The following PPP2CA variants were observed in gnomAD, a reference collection of about 807,000 sequenced individuals.
PPP2CA encodes the protein serine/threonine-protein phosphatase 2A catalytic subunit alpha isoform.
In PPP2CA, 5 loss-of-function variants were observed where a neutral mutation model predicts 38.8. That is an observed-to-expected ratio of 0.13 (90% CI 0.07 to 0.27). The LOEUF is 0.27. PPP2CA is among the 10% of genes least tolerant of loss of function. The pLI, the probability that PPP2CA is intolerant of heterozygous loss-of-function variation, is 1.00. For synonymous variants in PPP2CA, 152 were observed against 134.0 expected (o/e 1.13, Z -0.93); for missense variants, 88 against 389.7 (o/e 0.23, Z 6.52).
chr5:134,212,074 G>A (rs576922241), intron 1 of PPP2CA, among the ~76,000 whole-genome samples: 5 of 151,918 alleles, frequency 3.3e-5, no homozygotes, highest in East Asian at 2.0e-4. Context: ...AGCGGAGACC[G>A]CACCACTGCA....
At chr5:134,224,332 A>G (rs1762513987) in intron 1 of PPP2CA, 1 of 454,328 alleles carries the variant, frequency 2.2e-6, no homozygotes, top group South Asian at 1.6e-5. Flanking sequence ...CCAACAGATG[A>G]TGTGCCACCT....
chr5:134,212,237 C>T (rs1227141729), intron 1 of PPP2CA, among the ~76,000 whole-genome samples: 1 of 152,200 alleles, frequency 6.6e-6, no homozygotes, highest in Non-Finnish European at 1.5e-5. Context: ...TTCATGGCAA[C>T]CCTGTGTGGA....
chr5:134,214,946 A>C (rs1256449834), intron 1 of PPP2CA, among the ~76,000 whole-genome samples: 1 of 152,072 alleles, frequency 6.6e-6, no homozygotes, highest in African/African-American at 2.4e-5. Flanking sequence ...GCTTCTTTTT[A>C]TATCAGCATC....
intron 2 of PPP2CA, among the ~76,000 whole-genome samples, chr5:134,202,922 G>T (rs544639277): frequency 1.1e-3 from 175 of 152,270 alleles, no homozygotes; most frequent in African/African-American, 3.5e-3. Context: ...CATTCTAATA[G>T]ATGTGAAGTA....
intron 1 of PPP2CA, 80 bp downstream of exon 1, chr5:134,225,680 T>C (rs1291729210): frequency 3.7e-6 from 5 of 1,355,358 alleles, no homozygotes; most frequent in Non-Finnish European, 4.1e-6. Flanking sequence ...GCCTCCGCCA[T>C]GTTGCACCCT....
intron 2 of PPP2CA, 151 bp downstream of exon 2, chr5:134,205,771 A>G (rs966503041): frequency 7.8e-6 from 5 of 644,914 alleles, no homozygotes; most frequent in African/African-American, 7.3e-5. Flanking sequence ...GCAGACGCCT[A>G]TGATTTTTAA....
chr5:134,208,529 A>C (rs974275677), intron 1 of PPP2CA, among the ~76,000 whole-genome samples: 1 of 89,538 alleles, frequency 1.1e-5, no homozygotes, highest in Non-Finnish European at 2.6e-5. Context: ...TACCAATAAA[A>C]TTTTGATGTA....
intron 1 of PPP2CA, among the ~76,000 whole-genome samples, chr5:134,209,356 C>G (rs527467552): frequency 3.3e-5 from 5 of 152,214 alleles, no homozygotes; most frequent in African/African-American, 1.2e-4. Context: ...CAGTTTTAAG[C>G]ATGATTTTGG....
intron 1 of PPP2CA, among the ~76,000 whole-genome samples, chr5:134,221,661 A>G (rs1762445557): frequency 6.6e-6 from 1 of 152,172 alleles, no homozygotes; most frequent in African/African-American, 2.4e-5. Context: ...GGAAGCTTTC[A>G]AGCAATGAAA....
intron 1 of PPP2CA, among the ~76,000 whole-genome samples, chr5:134,216,738 G>C (rs962073696): frequency 2.6e-5 from 4 of 151,914 alleles, no homozygotes; most frequent in Non-Finnish European, 5.9e-5. Context: ...TCCTAGTCTC[G>C]AGTGAGCTTC....
chr5:134,198,658 C>T (rs892311750), intron 6 of PPP2CA, among the ~76,000 whole-genome samples: 3 of 152,092 alleles, frequency 2.0e-5, no homozygotes, highest in Non-Finnish European at 4.4e-5. Flanking sequence ...CTCTGCCTCC[C>T]GGATTCATGC....
chr5:134,210,300 G>A (rs1288479481), intron 1 of PPP2CA, among the ~76,000 whole-genome samples: 2 of 152,040 alleles, frequency 1.3e-5, no homozygotes, highest in Non-Finnish European at 2.9e-5. Context: ...CAAAGTAAAT[G>A]GTAGAACCAG....
At chr5:134,204,732 A>T (rs1580639826) in intron 2 of PPP2CA, among the ~76,000 whole-genome samples, 1 of 152,120 alleles carries the variant, frequency 6.6e-6, no homozygotes, top group East Asian at 1.9e-4. Flanking sequence ...CAAAGTGTTG[A>T]GATAACAGGC....
intron 1 of PPP2CA, among the ~76,000 whole-genome samples, chr5:134,213,620 T>C (rs1561740780): frequency 6.6e-6 from 1 of 151,932 alleles, no homozygotes; most frequent in South Asian, 2.1e-4. Flanking sequence ...ACCCTGTCTC[T>C]ACGAAAAATA....
intron 1 of PPP2CA, among the ~76,000 whole-genome samples, chr5:134,206,500 T>TC (rs1762087214): frequency 6.6e-6 from 1 of 151,336 alleles, no homozygotes; most frequent in Non-Finnish European, 1.5e-5. Flanking sequence ...TCAAAGATTC[T>TC]TTTTTTTTCT....
intron 2 of PPP2CA, among the ~76,000 whole-genome samples, chr5:134,204,978 G>A (rs1482198174): frequency 1.5e-5 from 2 of 137,850 alleles, no homozygotes; most frequent in Non-Finnish European, 3.0e-5. Flanking sequence ...TGTTCCCCAA[G>A]TTAGAGTGTA....
intron 1 of PPP2CA, among the ~76,000 whole-genome samples, chr5:134,208,729 G>A (rs1413067990): frequency 6.6e-6 from 1 of 152,162 alleles, no homozygotes; most frequent in Non-Finnish European, 1.5e-5. Context: ...TCGAAAAATT[G>A]GGGAGTGTCT....
intron 1 of PPP2CA, among the ~76,000 whole-genome samples, chr5:134,219,933 C>T (rs1402011305): frequency 6.8e-6 from 1 of 146,628 alleles, no homozygotes; most frequent in Non-Finnish European, 1.5e-5. Context: ...AACACTTGAA[C>T]GTGGGAGACA....
chr5:134,215,203 T>C (rs1344792424), intron 1 of PPP2CA, among the ~76,000 whole-genome samples: 1 of 151,272 alleles, frequency 6.6e-6, no homozygotes, highest in Non-Finnish European at 1.5e-5. Flanking sequence ...ACCCAAGCAA[T>C]CCTCTTGCCT....
Sources: gnomAD v4.1 joint callset for allele counts (sites outside exome capture counted in the v4.1 genomes callset) on GRCh38, gnomAD v4.1.1 for gene constraint, MANE v1.5 for transcripts, NCBI Gene and HGNC (gene_info 2026-07-23, HGNC 2026-07-21) for gene names.